Variants in RBFOX1 observed in about 807,000 individuals in gnomAD.
RBFOX1 encodes RNA binding protein fox-1 homolog 1.
In RBFOX1, 8 loss-of-function variants were observed where a neutral mutation model predicts 57.7. The observed-to-expected ratio is 0.14, with a 90% confidence interval of 0.08 to 0.25. The LOEUF (loss-of-function observed/expected upper bound fraction) is 0.25, where lower values mean the gene tolerates loss of function less well. Among genes scored for constraint, RBFOX1 ranks in the 10% least tolerant of loss-of-function variants. RBFOX1 has a pLI of 1.00. For synonymous variants in RBFOX1, 326 were observed against 222.4 expected, an observed-to-expected ratio of 1.47 and a Z score of -4.15; for missense variants, 611 against 548.5, an observed-to-expected ratio of 1.11 and a Z score of -1.14.
chr16:7,164,779 G>C (rs567211762), intron 4 of RBFOX1, among the ~76,000 whole-genome samples: 56 of 152,322 alleles, frequency 3.7e-4, no homozygotes, highest in African/African-American at 1.3e-3. Context: ...TCCACCTTCT[G>C]ATCAACTAAG....
intron 4 of RBFOX1, among the ~76,000 whole-genome samples, chr16:5,968,221 T>G (rs2059889524): frequency 6.6e-6 from 1 of 152,266 alleles, no homozygotes; most frequent in East Asian, 1.9e-4. Flanking sequence ...ATTATGGGCA[T>G]GTACCACCAT....
rs116630592 is a variant in RBFOX1 at position 7,316,730 on chromosome 16, A to C, written c.28-201417A>C. On this transcript the variant is annotated intron_variant, in intron 4 of 15. Coordinates refer to ENST00000550418, the MANE Select transcript of RBFOX1 (RefSeq NM_018723.4). Reference sequence around the variant, plus strand: ...AGAAGTGACATCAAAGCTGAGATGGAGTGGGAGGTAGGCAAGGAGGTGGGG... The same window carrying C: ...AGAAGTGACATCAAAGCTGAGATGGCGTGGGAGGTAGGCAAGGAGGTGGGG... Among the ~76,000 whole-genome samples the C allele has an allele frequency of 4.6e-3, 697 of 152,066 alleles. 2 individuals are homozygous for C. The highest frequency in any genetic ancestry group is 0.016 in the African/African-American group (652 of 41,462).
At chr16:5,819,363 G>A (rs1041929009) in intron 3 of RBFOX1, among the ~76,000 whole-genome samples, 15 of 152,156 alleles carry the variant, frequency 9.9e-5, no homozygotes, top group African/African-American at 3.4e-4. Context: ...TCTTTTAGGG[G>A]ACACAATTAT....
chr16:7,584,136 A>G (rs1007319903), intron 6 of RBFOX1, among the ~76,000 whole-genome samples: 3 of 152,180 alleles, frequency 2.0e-5, no homozygotes, highest in Non-Finnish European at 4.4e-5. Context: ...TTTGGCCTTC[A>G]CGCACAATCT....
At chr16:6,593,826 T>C (rs374593616) in intron 2 of RBFOX1, among the ~76,000 whole-genome samples, 2 of 152,168 alleles carry the variant, frequency 1.3e-5, no homozygotes, top group African/African-American at 4.8e-5. Flanking sequence ...GGACTACGGA[T>C]ATGGCAATAT....
At chr16:6,870,599 C>G (rs150240186) in intron 3 of RBFOX1, among the ~76,000 whole-genome samples, 243 of 152,298 alleles carry the variant, frequency 1.6e-3, no homozygotes, top group African/African-American at 5.6e-3. Context: ...TACATTGTAG[C>G]TTTGCAAAGC....
chr16:6,822,907 G>C (rs2091545074), intron 3 of RBFOX1, among the ~76,000 whole-genome samples: 1 of 152,198 alleles, frequency 6.6e-6, no homozygotes, highest in African/African-American at 2.4e-5. Context: ...ATATTAACAA[G>C]TGCGTGCTGC....
At chr16:7,063,490 C>T (rs1008772795) in intron 4 of RBFOX1, among the ~76,000 whole-genome samples, 7 of 152,144 alleles carry the variant, frequency 4.6e-5, no homozygotes, top group South Asian at 2.1e-4. Flanking sequence ...CAGCTCTACC[C>T]CAGACCTACT....
At chr16:6,707,469 C>T (rs186225338) in intron 3 of RBFOX1, among the ~76,000 whole-genome samples, 16 of 133,778 alleles carry the variant, frequency 1.2e-4, no homozygotes, top group African/African-American at 4.9e-4. Context: ...TAGATGGCTT[C>T]CCATTTTTGT....
intron 3 of RBFOX1, among the ~76,000 whole-genome samples, chr16:6,989,148 A>T (rs560615477): frequency 6.6e-6 from 1 of 152,290 alleles, no homozygotes; most frequent in African/African-American, 2.4e-5. Context: ...TGCCCGCCTC[A>T]GCCTTCCATA....
chr16:6,939,236 G>C (rs2077905340), intron 3 of RBFOX1, among the ~76,000 whole-genome samples: 1 of 152,094 alleles, frequency 6.6e-6, no homozygotes, highest in African/African-American at 2.4e-5. Context: ...AAACCATAAA[G>C]GTTTCCCCAC....
At chr16:6,919,157 TG>T (rs2073912646) in intron 3 of RBFOX1, among the ~76,000 whole-genome samples, 5 of 151,956 alleles carry the variant, frequency 3.3e-5, no homozygotes, top group Admixed American at 3.3e-4. Context: ...TTTTTTGTAT[TG>T]TTTTTTTGGA....
rs1371587081 is a variant in RBFOX1, at chr16:6,361,628, T to TTAAAAAAAAAAAAAAAAA, written c.-64+44571_-64+44572insTAAAAAAAAAAAAAAAAA. 4.3e-4 allele frequency among the ~76,000 whole-genome samples: 55 copies of TTAAAAAAAAAAAAAAAAA among 127,926 alleles called. 1 individual carries two copies. The East Asian group carries it at 9.2e-3, about 21-fold the overall frequency. 83.9% of individuals were successfully genotyped at this position (127,926 alleles called of 152,430 possible). A position where few individuals can be genotyped will look rare whatever the true frequency, so the allele number is the denominator to read the frequency against. On this transcript the variant is annotated intron_variant, in intron 2 of 15. Coordinates refer to ENST00000550418, the MANE Select transcript of RBFOX1 (RefSeq NM_018723.4). ...GGGTGACACATTGAGACTCTGTCTC[T>TTAAAAAAAAAAAAAAAAA]AAAAAAAAAAAAAAAAATCATGGTC...
intron 4 of RBFOX1, among the ~76,000 whole-genome samples, chr16:7,135,223 C>T (rs1232789849): frequency 6.6e-6 from 1 of 152,022 alleles, no homozygotes; most frequent in Admixed American, 6.6e-5. Flanking sequence ...AAGTTTCAGC[C>T]CTGTCTAGGA....
rs554452124 is a variant in RBFOX1 at position 6,498,690 on chromosome 16, T to C, written c.-63-155913T>C. 9.3e-4 allele frequency among the ~76,000 whole-genome samples: 141 copies of C among 152,342 alleles called. 1 individual carries two copies. Among genetic ancestry groups the C allele is most frequent in the African/African-American group, 3.2e-3 (132 of 41,578 alleles). Reference sequence around the variant, plus strand: ...GGTTTCTAAAGAATGTGTGATCACATTGGATTGTCCCAGAGTATTTACAAT... The same window carrying C: ...GGTTTCTAAAGAATGTGTGATCACACTGGATTGTCCCAGAGTATTTACAAT... On this transcript the variant is annotated intron_variant, in intron 2 of 15. Coordinates refer to ENST00000550418, the MANE Select transcript of RBFOX1 (RefSeq NM_018723.4).
intron 3 of RBFOX1, among the ~76,000 whole-genome samples, chr16:7,043,634 C>G (rs1345478185): frequency 1.3e-5 from 2 of 152,210 alleles, no homozygotes; most frequent in Non-Finnish European, 2.9e-5. Flanking sequence ...TGTTTTCCTT[C>G]TAAGTGATTC....
chr16:5,599,183 T>C (rs991760256), exon 3 of RBFOX1: 2 of 705,136 alleles, frequency 2.8e-6, no homozygotes, highest in Non-Finnish European at 5.2e-6. Context: ...GTGTGAGAGC[T>C]GTATTCTGTC....
chr16:7,430,135 C>T (rs2098664543), intron 4 of RBFOX1, among the ~76,000 whole-genome samples: 1 of 152,158 alleles, frequency 6.6e-6, no homozygotes, highest in African/African-American at 2.4e-5. Flanking sequence ...GTCTATAATC[C>T]AACCAAATGA....
At chr16:7,079,626 T>G (rs1376638634) in intron 4 of RBFOX1, among the ~76,000 whole-genome samples, 1 of 152,142 alleles carries the variant, frequency 6.6e-6, no homozygotes, top group Non-Finnish European at 1.5e-5. Context: ...TCATAAAGCC[T>G]TTTGCGTTAT....
Sources: gnomAD v4.1 joint callset for allele counts (sites outside exome capture counted in the v4.1 genomes callset) on GRCh38, gnomAD v4.1.1 for gene constraint, MANE v1.5 for transcripts, NCBI Gene and HGNC (gene_info 2026-07-23, HGNC 2026-07-21) for gene names.